KDM2A: variants seen among roughly 807,000 people sequenced by gnomAD.
The protein encoded by KDM2A is lysine-specific demethylase 2A.
Under a neutral mutation model 137.3 loss-of-function variants are expected in KDM2A, and 3 were observed. The ratio of observed to expected loss-of-function variants is 0.02; its 90% CI spans 0.01 to 0.06. The LOEUF (loss-of-function observed/expected upper bound fraction) is 0.06, where lower values mean the gene tolerates loss of function less well. KDM2A is among the 10% of genes least tolerant of loss of function. The probability of loss-of-function intolerance (pLI) is 1.00; values close to 1 mark genes in which losing one functional copy is unlikely to be tolerated. For missense variants in KDM2A, 738 were observed against 1,510.6 expected (o/e 0.49, Z 8.48); for synonymous variants, 512 against 541.5 (o/e 0.95, Z 0.76).
At chr11:67,215,745 A>T in intron 7 of KDM2A, 111 bp from the exon 8 acceptor site, 1 of 794,804 alleles carries the variant, frequency 1.3e-6, no homozygotes, top group Non-Finnish European at 2.1e-6. Flanking sequence ...TCTGGAACTT[A>T]AGATTAAGTG....
rs750650123 is a variant in KDM2A at position 67,248,384 on chromosome 11, A to G, written c.2055+14A>G. Reference sequence around the variant, plus strand: ...GAGAAAGCCCAGGTAAAGGAACCTTATCAGATTTGCACTGTGACAGAAAGG... The same window carrying G: ...GAGAAAGCCCAGGTAAAGGAACCTTGTCAGATTTGCACTGTGACAGAAAGG... On this transcript the variant is annotated intron_variant, in intron 16 of 20. Transcript: ENST00000529006. The G allele has an allele frequency of 4.4e-6, 7 of 1,573,386 alleles. No homozygotes were observed. The highest frequency in any genetic ancestry group is 6.1e-6 in the Non-Finnish European group (7 of 1,153,534).
rs759516537 is a variant in KDM2A at position 67,255,010 on chromosome 11, C to T, written c.3444C>T (p.Ser1148=). 6.2e-7 allele frequency: 1 copy of T among 1,613,298 alleles called. No homozygotes were observed. The highest frequency in any genetic ancestry group is 1.7e-5 in the Admixed American group (1 of 59,914). ...TCATCTCAGACTTGTCCATCAACAG[C>T]CTCTACTGCCTGTCTGACGAGAAGC... ...EHFISDLSIN[S]LYCLSDEKLI... Residue 1148 remains serine, a synonymous_variant, in exon 21 of 21, where the codon AGC becomes AGT. Transcript: ENST00000529006.
At chr11:67,251,978 G>C (rs1859442880) in intron 17 of KDM2A, among the ~76,000 whole-genome samples, 1 of 152,214 alleles carries the variant, frequency 6.6e-6, no homozygotes, top group Admixed American at 6.5e-5. Context: ...CTGCCAACCA[G>C]GCTGGGGGGC....
intron 6 of KDM2A, among the ~76,000 whole-genome samples, chr11:67,209,689 C>T (rs1279518133): frequency 1.3e-5 from 2 of 152,188 alleles, no homozygotes; most frequent in African/African-American, 4.8e-5. Flanking sequence ...GGTGATCCAC[C>T]TGTCTCAGCC....
intron 12 of KDM2A, 64 bp downstream of exon 12, chr11:67,232,024 A>G: frequency 2.7e-6 from 4 of 1,484,870 alleles, no homozygotes; most frequent in Non-Finnish European, 3.6e-6. Context: ...TTCCAGATTC[A>G]GAGGGAGAAA....
intron 2 of KDM2A, among the ~76,000 whole-genome samples, chr11:67,125,843 C>T (rs1855711528): frequency 6.7e-6 from 1 of 148,822 alleles, no homozygotes; most frequent in Non-Finnish European, 1.5e-5. Flanking sequence ...ACTCAGGAGG[C>T]TGAGTCAGGA....
intron 6 of KDM2A, among the ~76,000 whole-genome samples, chr11:67,208,205 T>A (rs914381397): frequency 2.0e-5 from 3 of 151,560 alleles, no homozygotes; most frequent in Non-Finnish European, 1.5e-5. Flanking sequence ...GAAATCATAA[T>A]AAATTTTAAA....
chr11:67,196,668 G>A lies in KDM2A; in HGVS notation c.308-10842G>A. The A allele has an allele frequency of 1.2e-5, 4 of 333,130 alleles. 1 individual carries two copies. Among genetic ancestry groups the A allele is most frequent in the South Asian group, 9.1e-5 (4 of 43,954 alleles). The allele number at this position is 333,130 out of a possible 1,614,324, so 20.6% of individuals were successfully genotyped here. ...TAATTCCACTGACATGAAGTATATA[G>A]AGTAACCAAAATCATGGAGACAAAA... On this transcript the variant is annotated intron_variant, in intron 5 of 20. Coordinates refer to ENST00000529006, the MANE Select transcript of KDM2A (RefSeq NM_012308.3).
intron 2 of KDM2A, among the ~76,000 whole-genome samples, chr11:67,142,283 C>T (rs577469368): frequency 1.1e-4 from 17 of 151,690 alleles, no homozygotes; most frequent in Admixed American, 2.0e-4. Context: ...GTGATCCACC[C>T]GCCTTGGCCT....
chr11:67,215,766 G>A (rs1204340372), intron 7 of KDM2A, 90 bp from the exon 8 acceptor site: 3 of 866,340 alleles, frequency 3.5e-6, no homozygotes, highest in African/African-American at 3.3e-5. Context: ...GAAGATAAAG[G>A]GAGTATATAA....
chr11:67,155,440 C>T (rs915844391), intron 2 of KDM2A, among the ~76,000 whole-genome samples: 5 of 151,766 alleles, frequency 3.3e-5, no homozygotes, highest in Non-Finnish European at 7.4e-5. Context: ...TCCTGCGTAT[C>T]TGGGGCTGTA....
At chr11:67,236,546 G>A (rs975498115) in intron 12 of KDM2A, among the ~76,000 whole-genome samples, 1 of 151,974 alleles carries the variant, frequency 6.6e-6, no homozygotes, top group Non-Finnish European at 1.5e-5. Context: ...TATATCTGGC[G>A]GCCCAGCTCA....
intron 2 of KDM2A, among the ~76,000 whole-genome samples, chr11:67,129,456 C>T (rs557078108): frequency 7.2e-5 from 11 of 151,844 alleles, no homozygotes; most frequent in African/African-American, 2.2e-4. Context: ...GGGCATAGGC[C>T]GGGCGCGGTG....
In KDM2A at chr11:67,181,312, G is replaced by T. The variant is rs778074773; in HGVS notation, c.182-8G>T. 6.3e-7 allele frequency: 1 copy of T among 1,583,740 alleles called. No individual in the cohort carries two copies. The highest frequency in any genetic ancestry group is 8.7e-7 in the Non-Finnish European group (1 of 1,155,952). ...ACTTATCTTTCTAATATTTTCCTAT[G>T]GTGACAGATTTTAATGTAGAGTATA... On this transcript the variant is annotated splice_region_variant and splice_polypyrimidine_tract_variant and intron_variant, in intron 3 of 20. Coordinates refer to ENST00000529006, the MANE Select transcript of KDM2A (RefSeq NM_012308.3).
intron 15 of KDM2A, among the ~76,000 whole-genome samples, chr11:67,247,159 G>T (rs1281989083): frequency 1.6e-5 from 2 of 125,700 alleles, no homozygotes; most frequent in Admixed American, 1.9e-4. Context: ...GCGTGACCTC[G>T]TCTCACTGCA....
intron 5 of KDM2A, among the ~76,000 whole-genome samples, chr11:67,193,728 G>T (rs879365720): frequency 6.6e-6 from 1 of 152,208 alleles, no homozygotes; most frequent in Non-Finnish European, 1.5e-5. Flanking sequence ...AGGCATGGTG[G>T]CAGGCGCCTC....
intron 15 of KDM2A, among the ~76,000 whole-genome samples, chr11:67,247,034 ATT>A (rs1278672948): frequency 1.5e-3 from 96 of 64,166 alleles, no homozygotes; most frequent in African/African-American, 2.8e-3. Flanking sequence ...GTTATAAATT[ATT>A]TTATATATAT....
At chr11:67,126,887 A>G (rs1855743793) in intron 2 of KDM2A, among the ~76,000 whole-genome samples, 1 of 152,072 alleles carries the variant, frequency 6.6e-6, no homozygotes, top group South Asian at 2.1e-4. Context: ...GGAAATGACA[A>G]GGGTGGATAA....
At chr11:67,181,546 T>C (rs1857091173) in intron 4 of KDM2A, 148 bp downstream of exon 4, 3 of 589,438 alleles carry the variant, frequency 5.1e-6, no homozygotes, top group Non-Finnish European at 8.8e-6. Flanking sequence ...TTTCTTTTGA[T>C]ACACAAGTGT....
Sources: allele counts gnomAD v4.1 joint callset (sites outside exome capture counted in the v4.1 genomes callset), GRCh38; gene constraint gnomAD v4.1.1; transcripts MANE v1.5; gene names NCBI Gene and HGNC (gene_info 2026-07-23, HGNC 2026-07-21).